GGA3: variants seen among roughly 807,000 people sequenced by gnomAD.
GGA3 encodes the protein ADP-ribosylation factor-binding protein GGA3.
A neutral mutation model predicts 77.5 loss-of-function variants in GGA3; 57 were observed. The ratio of observed to expected loss-of-function variants is 0.74; its 90% confidence interval spans 0.59 to 0.92. The LOEUF is 0.92. Ranked by LOEUF, GGA3 falls within the 40% of genes least tolerant of loss-of-function variation. The pLI is 0.00. For synonymous variants in GGA3, 416 were observed against 383.7 expected (o/e 1.08, Z -0.98); for missense variants, 970 against 914.9 (o/e 1.06, Z -0.78).
rs944002046 is a variant in GGA3, at chr17:75,255,762, C to T, written c.40+5786G>A. On this transcript the variant is annotated intron_variant, in intron 1 of 16. Transcript: ENST00000537686. ...GCCTATCCACCCCATGGTACCAAAC[C>T]ATATACTCTCCTATCCTCAATACCT... Among the ~76,000 whole-genome samples, 3 of 152,322 alleles carry T rather than the reference C, an allele frequency of 2.0e-5. No individual in the cohort carries two copies. The East Asian group carries it at 5.8e-4, about 29-fold the overall frequency.
intron 1 of GGA3, among the ~76,000 whole-genome samples, chr17:75,249,719 A>G (rs2076894540): frequency 6.6e-6 from 1 of 152,212 alleles, no homozygotes; most frequent in Non-Finnish European, 1.5e-5. Context: ...CTTGTGACAG[A>G]AGAAAAACTG....
At position 75,239,049 on chromosome 17, in the gene GGA3, GTT is replaced by G. The variant is rs1214985256; in HGVS notation, c.1813_1814del (p.Asn605ArgfsTer18). On this transcript the variant is annotated frameshift_variant, in exon 15 of 17. Coordinates refer to ENST00000537686, the MANE Select transcript of GGA3 (RefSeq NM_138619.4). LOFTEE classifies it high-confidence loss of function. ...CAAAGTGGAAGAGGATGCGGAAGCC[GTT>G]TTTATCGTAGGCTGTCACAGGAAGG... Reference protein sequence around the residue: ...SALPVTAYDKNGFRILFHFAK... With the variant: ...SALPVTAYDKXGFRILFHFAK... The G allele has an allele frequency of 6.2e-7, 1 of 1,613,710 alleles. No individual in the cohort carries two copies. Among genetic ancestry groups the G allele is most frequent in the Non-Finnish European group, 8.5e-7 (1 of 1,179,984 alleles).
At position 75,240,104 on chromosome 17, in the gene GGA3, T is replaced by TC; in HGVS notation, c.1267dup (p.Glu423GlyfsTer75). 8.3e-7 allele frequency: 1 copy of TC among 1,204,550 alleles called. No homozygotes were observed. The highest frequency in any genetic ancestry group is 1.3e-5 in the South Asian group (1 of 78,756). 74.6% of individuals were successfully genotyped at this position (1,204,550 alleles called of 1,614,324 possible). On this transcript the variant is annotated frameshift_variant, in exon 13 of 17. Transcript: ENST00000537686. LOFTEE classifies it high-confidence loss of function. ...GCTGAAGAAGTCCAGGTCGGACTGT[T>TC]CCCTCTATGAACAACAGAAAGGGTG...
upstream of GGA3, chr17:75,262,112 A>G (rs1447931397): frequency 2.0e-5 from 23 of 1,130,340 alleles, no homozygotes; most frequent in Non-Finnish European, 6.3e-6. Flanking sequence ...CTTCTAAGTT[A>G]GCTGCGTGAC....
chr17:75,249,336 C>A (rs986646139), intron 1 of GGA3, among the ~76,000 whole-genome samples: 1 of 152,174 alleles, frequency 6.6e-6, no homozygotes, highest in Non-Finnish European at 1.5e-5. Flanking sequence ...AGCCACCGCA[C>A]CCCGCCTAGG....
chr17:75,244,134 T>A (rs955577407), intron 4 of GGA3, among the ~76,000 whole-genome samples: 3 of 152,154 alleles, frequency 2.0e-5, no homozygotes, highest in Admixed American at 6.6e-5. Flanking sequence ...CACAACTGCA[T>A]TTTATCTTGG....
intron 1 of GGA3, among the ~76,000 whole-genome samples, chr17:75,249,755 G>A (rs952914818): frequency 1.3e-5 from 2 of 151,860 alleles, no homozygotes; most frequent in East Asian, 1.9e-4. Context: ...CTTTTTGCAC[G>A]GGGAAAAGCA....
intron 1 of GGA3, among the ~76,000 whole-genome samples, chr17:75,250,186 A>G (rs1429850943): frequency 6.6e-6 from 1 of 151,886 alleles, no homozygotes; most frequent in Non-Finnish European, 1.5e-5. Context: ...CCCACTCAAC[A>G]TTTCCTTCAC....
intron 14 of GGA3, 120 bp downstream of exon 14, chr17:75,239,255 G>A: frequency 1.0e-6 from 1 of 987,182 alleles, no homozygotes; most frequent in South Asian, 1.7e-5. Context: ...AGGCAGGGAG[G>A]CCTGCCTGGC....
chr17:75,255,108 T>C (rs1041727507), intron 1 of GGA3, among the ~76,000 whole-genome samples: 4 of 152,118 alleles, frequency 2.6e-5, no homozygotes, highest in African/African-American at 7.2e-5. Flanking sequence ...TTTAGGTAAC[T>C]CTCACAGTGG....
intron 10 of GGA3, 29 bp from the exon 11 acceptor site, chr17:75,241,086 A>T: frequency 6.2e-7 from 1 of 1,613,720 alleles, no homozygotes; most frequent in Non-Finnish European, 8.5e-7. Context: ...CAGAACAGGA[A>T]TAATTAGGGG....
intron 1 of GGA3, among the ~76,000 whole-genome samples, chr17:75,253,846 C>T (rs946578417): frequency 2.6e-5 from 4 of 152,140 alleles, no homozygotes; most frequent in African/African-American, 9.7e-5. Context: ...CTCCTTCTCC[C>T]TTAGCCTGTG....
In GGA3 at chr17:75,237,861, GGT is replaced by G. The variant is rs1038890959; in HGVS notation, c.*416_*417del. ...AGCCCCTTGGGCCGTGCATCTGTCA[GGT>G]GTGAGGATGTGGCTCTTGTGGGGAA... On this transcript the variant is annotated 3_prime_UTR_variant, in exon 17 of 17. Transcript: ENST00000537686. The G allele has an allele frequency of 5.0e-6, 7 of 1,401,810 alleles. No individual in the cohort carries two copies. The African/African-American group carries it at 1.0e-4, about 20-fold the overall frequency. The allele number at this position is 1,401,810 out of a possible 1,614,324, so 86.8% of individuals were successfully genotyped here. A position where few individuals can be genotyped will look rare whatever the true frequency, so the allele number is the denominator to read the frequency against.
Position 75,240,892 on chromosome 17 carries a change from G to A in GGA3, c.1112C>T (p.Ser371Phe). 6.2e-7 allele frequency: 1 copy of A among 1,613,826 alleles called. No homozygotes were observed. Among genetic ancestry groups the A allele is most frequent in the Non-Finnish European group, 8.5e-7 (1 of 1,179,884 alleles). Reference sequence around the variant, plus strand: ...CCCCAGGGTGGCCTCGGCCTGGCTAGAGGAGCGGCTCCGTGGAGGTCCTGA... The same window carrying A: ...CCCCAGGGTGGCCTCGGCCTGGCTAAAGGAGCGGCTCCGTGGAGGTCCTGA... ...QASGPPRSRS[S>F]SQAEATLGPS... is the part of the protein sequence containing the mutation. Residue 371 changes from serine to phenylalanine, a missense_variant, in exon 11 of 17, where the codon TCT (serine) becomes TTT (phenylalanine). By Grantham distance (155) the Ser-to-Phe change is radical. Transcript: ENST00000537686.
Position 75,241,399 on chromosome 17 carries a change from C to T in GGA3, c.946+1G>A, listed in dbSNP as rs1347841529. Reference sequence around the variant, plus strand: ...TAGAGTTGGGGACCAGAGCATCTCACCTTCCGAGTCAGGCAGGGTTAAGGT... The same window carrying T: ...TAGAGTTGGGGACCAGAGCATCTCATCTTCCGAGTCAGGCAGGGTTAAGGT... On this transcript the variant is annotated splice_donor_variant, in intron 10 of 16. Transcript: ENST00000537686. LOFTEE classifies it high-confidence loss of function. 1 of 1,589,434 alleles carries T rather than the reference C, an allele frequency of 6.3e-7. No individual in the cohort carries two copies.
chr17:75,249,003 T>C (rs1274815715), intron 1 of GGA3: 3 of 984,882 alleles, frequency 3.0e-6, no homozygotes, highest in African/African-American at 1.7e-5. Flanking sequence ...AGTGTTTCTG[T>C]TGTGGCTGCA....
In GGA3 at chr17:75,239,977, G is replaced by A. The variant is rs1227560329; in HGVS notation, c.1395C>T (p.Phe465=). Reference sequence around the variant, plus strand: ...CACTGGCTGGGACCACAGGAGCTGGGAAGGGAGGCGGCAGTGGAGCTTGGG... The same window carrying A: ...CACTGGCTGGGACCACAGGAGCTGGAAAGGGAGGCGGCAGTGGAGCTTGGG... ...SSSQAPLPPP[F]PAPVVPASVP... Residue 465 remains phenylalanine, a synonymous_variant, in exon 13 of 17, where the codon TTC becomes TTT. Coordinates refer to ENST00000537686, the MANE Select transcript of GGA3 (RefSeq NM_138619.4). 1.9e-6 allele frequency: 3 copies of A among 1,560,970 alleles called. No individual in the cohort carries two copies. Among genetic ancestry groups the A allele is most frequent in the Non-Finnish European group, 2.6e-6 (3 of 1,153,230 alleles).
At position 75,239,964 on chromosome 17, in the gene GGA3, C is replaced by A. The variant is rs1284867202; in HGVS notation, c.1408G>T (p.Val470Phe). The A allele has an allele frequency of 1.5e-5, 23 of 1,569,154 alleles. No individual in the cohort carries two copies. The highest frequency in any genetic ancestry group is 1.7e-5 in the Non-Finnish European group (20 of 1,157,798). The part of the protein sequence containing the change: ...PLPPPFPAPV[V>F]PASVPAPSAG... ...CTGGGGGCAGGAACACTGGCTGGGA[C>A]CACAGGAGCTGGGAAGGGAGGCGGC... Residue 470 changes from valine (V) to phenylalanine (F), a missense_variant, in exon 13 of 17, where the codon GTC becomes TTC. Physicochemically the swap from Val to Phe is conservative, Grantham distance 50. Transcript: ENST00000537686.
intron 3 of GGA3, among the ~76,000 whole-genome samples, chr17:75,244,988 G>A (rs1315881234): frequency 6.6e-6 from 1 of 152,148 alleles, no homozygotes; most frequent in Non-Finnish European, 1.5e-5. Context: ...AGAAGGCCTG[G>A]ATGCCAGTCC....
Sources: gnomAD v4.1 joint callset for allele counts (sites outside exome capture counted in the v4.1 genomes callset) on GRCh38, gnomAD v4.1.1 for gene constraint, MANE v1.5 for transcripts, NCBI Gene and HGNC (gene_info 2026-07-23, HGNC 2026-07-21) for gene names.